The following NHSL1 variants were observed in gnomAD, a reference collection of about 807,000 sequenced individuals.
NHSL1 encodes NHS like 1.
NHSL1 carries 48 observed loss-of-function variants against 95.0 expected under a neutral mutation model. The observed-to-expected ratio is 0.51, with a 90% CI of 0.40 to 0.64. NHSL1 has a LOEUF of 0.64. NHSL1 is among the 30% of genes least tolerant of loss of function. The pLI is 0.00. For synonymous variants in NHSL1, 783 were observed against 833.9 expected, an observed-to-expected ratio of 0.94 and a Z score of 1.05; for missense variants, 1,971 against 2,077.7, an observed-to-expected ratio of 0.95 and a Z score of 1.00.
At chr6:138,678,017 G>T (rs573429783) in intron 1 of NHSL1, among the ~76,000 whole-genome samples, 1 of 152,206 alleles carries the variant, frequency 6.6e-6, no homozygotes, top group Admixed American at 6.5e-5. Flanking sequence ...TCAGTAAAGA[G>T]AGAGCAGAGT....
chr6:138,593,615 TAGG>T (rs1646177404), intron 1 of NHSL1, among the ~76,000 whole-genome samples: 1 of 152,182 alleles, frequency 6.6e-6, no homozygotes, highest in Admixed American at 6.5e-5. Flanking sequence ...TCACTTTCAT[TAGG>T]AGATGAAAAG....
At chr6:138,618,455 A>G (rs4360144) in intron 1 of NHSL1, among the ~76,000 whole-genome samples, 4,811 of 152,346 alleles carry the variant, frequency 0.032, 212 homozygotes, top group African/African-American at 0.1. Flanking sequence ...TAAAAGGGGA[A>G]GCACTTTTCA....
chr6:138,464,469 C>CA (rs1778216242), intron 3 of NHSL1: 1 of 251,080 alleles, frequency 4.0e-6, no homozygotes, highest in African/African-American at 2.3e-5. Flanking sequence ...AGAACAGCTG[C>CA]AGTGCTTAAA....
chr6:138,605,180 G>C (rs763910312), intron 1 of NHSL1, among the ~76,000 whole-genome samples: 2 of 151,972 alleles, frequency 1.3e-5, no homozygotes. Context: ...CTAGACAACG[G>C]ACCTGACTTG....
At chr6:138,475,048 T>C (rs950678329) in intron 2 of NHSL1, among the ~76,000 whole-genome samples, 1 of 151,950 alleles carries the variant, frequency 6.6e-6, no homozygotes, top group East Asian at 1.9e-4. Context: ...CTCGGGAAGG[T>C]TGAGGCAGGA....
intron 7 of NHSL1, among the ~76,000 whole-genome samples, chr6:138,426,476 A>G (rs1425867816): frequency 6.6e-6 from 1 of 152,218 alleles, no homozygotes; most frequent in Admixed American, 6.5e-5. Context: ...TATTTTTCCT[A>G]TCACCAAAAG....
chr6:138,671,548 G>T (rs9495198), intron 1 of NHSL1, among the ~76,000 whole-genome samples: 4,157 of 151,840 alleles, frequency 0.027, 196 homozygotes, highest in African/African-American at 0.094. Context: ...GAGAAAGGAA[G>T]TCTCTAGGAT....
intron 1 of NHSL1, among the ~76,000 whole-genome samples, chr6:138,689,502 A>T (rs1785632080): frequency 6.6e-6 from 1 of 152,258 alleles, no homozygotes; most frequent in African/African-American, 2.4e-5. Context: ...GCCAGCCCAC[A>T]GGACTAAAAT....
chr6:138,637,391 A>G (rs1398270124), intron 1 of NHSL1, among the ~76,000 whole-genome samples: 11 of 152,320 alleles, frequency 7.2e-5, no homozygotes, highest in Non-Finnish European at 4.4e-5. Context: ...AAAAATGAAC[A>G]CATTGGATCA....
At chr6:138,490,781 G>GCC (rs1780029156) in intron 2 of NHSL1, among the ~76,000 whole-genome samples, 1 of 152,072 alleles carries the variant, frequency 6.6e-6, no homozygotes, top group Non-Finnish European at 1.5e-5. Context: ...CTACAGGCAT[G>GCC]CGCCACCACA....
At chr6:138,510,345 G>T (rs1443664878) in intron 1 of NHSL1, among the ~76,000 whole-genome samples, 1 of 152,184 alleles carries the variant, frequency 6.6e-6, no homozygotes, top group East Asian at 1.9e-4. Flanking sequence ...GACCATTTTG[G>T]TTTGCTGATG....
chr6:138,565,591 A>G (rs1261406374), intron 1 of NHSL1, among the ~76,000 whole-genome samples: 1 of 152,054 alleles, frequency 6.6e-6, no homozygotes, highest in Non-Finnish European at 1.5e-5. Flanking sequence ...CCTTTAGGAG[A>G]TTAAACTGAA....
At chr6:138,489,218 C>T (rs902796187) in intron 2 of NHSL1, among the ~76,000 whole-genome samples, 3 of 152,260 alleles carry the variant, frequency 2.0e-5, no homozygotes, top group Non-Finnish European at 4.4e-5. Context: ...AAATGCACCC[C>T]TCCCTCCACA....
At chr6:138,474,788 T>G (rs1778963412) in intron 2 of NHSL1, among the ~76,000 whole-genome samples, 1 of 152,192 alleles carries the variant, frequency 6.6e-6, no homozygotes, top group Non-Finnish European at 1.5e-5. Flanking sequence ...AATCTAACTC[T>G]TTATAAGAAA....
chr6:138,437,377 T>C (rs1177569243), intron 5 of NHSL1, among the ~76,000 whole-genome samples: 607 of 28,352 alleles, frequency 0.021, 61 homozygotes, highest in African/African-American at 0.077. Context: ...TATATACACA[T>C]ATATATATAC....
At position 138,600,606 on chromosome 6, in the gene NHSL1, C is replaced by T. The variant is rs564044179; in HGVS notation, c.96+91870G>A. Among the ~76,000 whole-genome samples the T allele has an allele frequency of 4.6e-5, 7 of 152,226 alleles. No homozygotes were observed. In the South Asian group the frequency reaches 1.2e-3, roughly 27 times the overall value. On this transcript the variant is annotated intron_variant, in intron 1 of 3. Transcript: ENST00000491526. ...AATCCTTGCTTCCCTGGGTTTAAGC[C>T]ATTTGTTTTTCATGAAATTACTATC...
chr6:138,641,590 T>G (rs985413878), intron 1 of NHSL1, among the ~76,000 whole-genome samples: 2 of 129,706 alleles, frequency 1.5e-5, no homozygotes, highest in African/African-American at 6.2e-5. Context: ...GCCACCGCAC[T>G]CCAGCCTGGG....
chr6:138,574,069 AG>A (rs1241795817), upstream of NHSL1, among the ~76,000 whole-genome samples: 9 of 152,058 alleles, frequency 5.9e-5, no homozygotes, highest in Non-Finnish European at 1.0e-4. Context: ...CTGGGACCAC[AG>A]GCGCCTGCCA....
chr6:138,644,790 C>T (rs536880674), intron 1 of NHSL1, among the ~76,000 whole-genome samples: 7 of 152,258 alleles, frequency 4.6e-5, no homozygotes, highest in Admixed American at 2.0e-4. Flanking sequence ...TGTTTTTACA[C>T]GGGTACATAT....
Sources: allele counts gnomAD v4.1 joint callset (sites outside exome capture counted in the v4.1 genomes callset), GRCh38; gene constraint gnomAD v4.1.1; transcripts MANE v1.5; gene names NCBI Gene and HGNC (gene_info 2026-07-23, HGNC 2026-07-21).